SEL1L3: variants seen among roughly 807,000 people sequenced by gnomAD.
The protein encoded by SEL1L3 is SEL1L family member 3.
In SEL1L3, 76 loss-of-function variants were observed where a neutral mutation model predicts 142.8. That is an observed-to-expected ratio of 0.53 (90% CI 0.44 to 0.64). The LOEUF is 0.64. Ranked by LOEUF, SEL1L3 falls within the 30% of genes least tolerant of loss-of-function variation. SEL1L3 has a pLI of 0.00. For synonymous variants in SEL1L3, 504 were observed against 519.6 expected (o/e 0.97, Z 0.41); for missense variants, 1,262 against 1,381.7 (o/e 0.91, Z 1.37).
rs936992267 is a variant in SEL1L3, at chr4:25,856,605, A to C, written c.162+6070T>G. 9.3e-3 allele frequency among the ~76,000 whole-genome samples: 1,418 copies of C among 151,872 alleles called. 28 individuals are homozygous for C. Among genetic ancestry groups the C allele is most frequent in the African/African-American group, 0.033 (1,350 of 41,460 alleles). On this transcript the variant is annotated intron_variant, in intron 1 of 23. Transcript: ENST00000399878. ...CATGTATTGTAATTAAAAAAAAAAA[A>C]AAAAAAAACAAAGAAATGGGCCAGT...
At chr4:25,840,647 G>C (rs1217677235) in intron 2 of SEL1L3, among the ~76,000 whole-genome samples, 1 of 152,184 alleles carries the variant, frequency 6.6e-6, no homozygotes, top group East Asian at 1.9e-4. Context: ...CCTTCCAAGA[G>C]TGTTCCTAAA....
intron 23 of SEL1L3, among the ~76,000 whole-genome samples, chr4:25,750,867 G>C (rs758417659): frequency 2.6e-5 from 4 of 152,194 alleles, no homozygotes; most frequent in Non-Finnish European, 5.9e-5. Context: ...TAGCTGGAAG[G>C]AATGAGTTGT....
chr4:25,824,865 A>G lies in SEL1L3; in HGVS notation c.1158-2737T>C, dbSNP rs76580848. On this transcript the variant is annotated intron_variant, in intron 6 of 23. Coordinates refer to ENST00000399878, the MANE Select transcript of SEL1L3 (RefSeq NM_015187.5). Reference sequence around the variant, plus strand: ...TGGGTAGACGCAATAGAGCTTACTAAAAAATTGTAAAATGTCATGGGAAAA... The same window carrying G: ...TGGGTAGACGCAATAGAGCTTACTAGAAAATTGTAAAATGTCATGGGAAAA... Among the ~76,000 whole-genome samples, 344 of 152,362 alleles carry G rather than the reference A, an allele frequency of 2.3e-3. 1 individual carries two copies. The highest frequency in any genetic ancestry group is 8.2e-3 in the African/African-American group (340 of 41,588).
At chr4:25,765,760 T>C (rs947248845) in intron 19 of SEL1L3, among the ~76,000 whole-genome samples, 7 of 152,122 alleles carry the variant, frequency 4.6e-5, no homozygotes, top group Admixed American at 3.3e-4. Context: ...CACCTCAGCC[T>C]CCCATGTAGC....
At chr4:25,767,269 A>G (rs1411237593) in intron 19 of SEL1L3, among the ~76,000 whole-genome samples, 2 of 152,160 alleles carry the variant, frequency 1.3e-5, no homozygotes, top group African/African-American at 4.8e-5. Flanking sequence ...CGGGGAACAG[A>G]GTGAGACTGT....
intron 20 of SEL1L3, 24 bp from the exon 21 acceptor site, chr4:25,759,092 C>T (rs775369952): frequency 6.2e-7 from 1 of 1,608,000 alleles, no homozygotes; most frequent in South Asian, 1.1e-5. Flanking sequence ...ACAAACCAAA[C>T]TCATCAAATC....
chr4:25,744,453 A>T (rs1380074742), downstream of SEL1L3, among the ~76,000 whole-genome samples: 1 of 140,338 alleles, frequency 7.1e-6, no homozygotes, highest in Non-Finnish European at 1.5e-5. Context: ...TCCCAGGTTC[A>T]AGCGATGCTC....
At chr4:25,726,159 C>T in the SEL1L3 span, among the ~76,000 whole-genome samples, 2 of 151,458 alleles carry the variant, frequency 1.3e-5, no homozygotes, top group East Asian at 2.0e-4. Flanking sequence ...GGAGAGGAAA[C>T]CTGAGCTGGG....
chr4:25,808,891 A>G (rs566229808), intron 9 of SEL1L3, among the ~76,000 whole-genome samples: 6 of 152,198 alleles, frequency 3.9e-5, no homozygotes, highest in African/African-American at 1.4e-4. Flanking sequence ...AACACGGTGA[A>G]ACCCCTATCT....
intron 16 of SEL1L3, 125 bp downstream of exon 16, chr4:25,778,951 A>G (rs983511612): frequency 1.8e-5 from 13 of 732,042 alleles, no homozygotes; most frequent in Non-Finnish European, 2.5e-5. Flanking sequence ...GTCAAATTAC[A>G]TGACTTTTAA....
In SEL1L3 at chr4:25,822,065, A is replaced by G. The variant is rs1714798072; in HGVS notation, c.1221T>C (p.Tyr407=). 4.3e-6 allele frequency: 7 copies of G among 1,614,016 alleles called. No individual in the cohort carries two copies. Among genetic ancestry groups the G allele is most frequent in the African/African-American group, 2.7e-5 (2 of 75,042 alleles). The change falls in exon 7 of 24, where the codon TAT becomes TAC. Residue 407 remains tyrosine, a synonymous_variant. Coordinates refer to ENST00000399878, the MANE Select transcript of SEL1L3 (RefSeq NM_015187.5). The part of the protein sequence containing the change: ...AGYFIIGGSR[Y]VAGIEGFFGP... ...CAAAAAACCCTTCAATGCCAGCCACATACCTGCTCCCTCCAATAATGAAGT... is the reference window on the plus strand; with the variant it reads ...CAAAAAACCCTTCAATGCCAGCCACGTACCTGCTCCCTCCAATAATGAAGT...
intron 19 of SEL1L3, 76 bp from the exon 20 acceptor site, chr4:25,765,511 A>T (rs6823220): frequency 0.37 from 336,171 of 911,342 alleles, 63,998 homozygotes; most frequent in East Asian, 0.52. Context: ...TGGCGCATTC[A>T]CATGAATGCA....
the SEL1L3 span, among the ~76,000 whole-genome samples, chr4:25,737,838 T>C: frequency 0.012 from 1,799 of 152,280 alleles, 34 homozygotes; most frequent in African/African-American, 0.041. Context: ...TTACACTGTA[T>C]TGCTTAGGAA....
At chr4:25,772,594 A>G (rs763279851) in intron 17 of SEL1L3, among the ~76,000 whole-genome samples, 1 of 152,060 alleles carries the variant, frequency 6.6e-6, no homozygotes. Flanking sequence ...GCAAGGCAGA[A>G]GGGAAAAGGA....
the SEL1L3 span, among the ~76,000 whole-genome samples, chr4:25,735,397 T>A: frequency 6.6e-6 from 1 of 152,138 alleles, no homozygotes; most frequent in African/African-American, 2.4e-5. Flanking sequence ...CTCCTTTTTA[T>A]TCTTGATATT....
intron 2 of SEL1L3, among the ~76,000 whole-genome samples, chr4:25,844,989 A>C (rs1716414877): frequency 6.6e-6 from 1 of 152,200 alleles, no homozygotes; most frequent in African/African-American, 2.4e-5. Flanking sequence ...TGCAGAATAA[A>C]CCAGACAGAC....
At chr4:25,757,487 C>CTT (rs11352729) in intron 23 of SEL1L3, 47 bp downstream of exon 23, 62 of 837,888 alleles carry the variant, frequency 7.4e-5, no homozygotes, top group South Asian at 1.2e-4. Context: ...AAAATCCCTG[C>CTT]TTTTTTTTTT....
chr4:25,775,140 T>C (rs1047332437), intron 17 of SEL1L3, among the ~76,000 whole-genome samples: 2 of 152,160 alleles, frequency 1.3e-5, no homozygotes, highest in East Asian at 1.9e-4. Flanking sequence ...AGAAACAAGA[T>C]AAAGCATCAC....
intron 9 of SEL1L3, among the ~76,000 whole-genome samples, chr4:25,806,708 C>T (rs889396875): frequency 2.6e-5 from 4 of 152,136 alleles, no homozygotes; most frequent in Non-Finnish European, 4.4e-5. Flanking sequence ...GGAACTCTTC[C>T]CTGCCTACCT....
Sources: allele counts gnomAD v4.1 joint callset (sites outside exome capture counted in the v4.1 genomes callset), GRCh38; gene constraint gnomAD v4.1.1; transcripts MANE v1.5; gene names NCBI Gene and HGNC (gene_info 2026-07-23, HGNC 2026-07-21).